FAM98B: variants seen among roughly 807,000 people sequenced by gnomAD.
FAM98B encodes tRNA-splicing ligase complex subunit FAM98B.
FAM98B carries 32 observed loss-of-function variants against 43.9 expected under a neutral mutation model. The observed-to-expected ratio is 0.73, with a 90% CI of 0.55 to 0.98. The LOEUF (loss-of-function observed/expected upper bound fraction) is 0.98, where lower values mean the gene tolerates loss of function less well. FAM98B is among the 50% of genes least tolerant of loss of function. The probability of loss-of-function intolerance (pLI) is 0.00; values close to 1 mark genes in which losing one functional copy is unlikely to be tolerated. For synonymous variants in FAM98B, 190 were observed against 174.0 expected (o/e 1.09, Z -0.72); for missense variants, 514 against 522.9 (o/e 0.98, Z 0.17).
chr15:38,463,018 A>G (rs1443466515), intron 1 of FAM98B, among the ~76,000 whole-genome samples: 3 of 152,346 alleles, frequency 2.0e-5, no homozygotes, highest in East Asian at 1.9e-4. Flanking sequence ...AATAACTGTG[A>G]TGGATTAAAA....
intron 7 of FAM98B, chr15:38,482,035 T>C (rs1595805006): frequency 6.2e-6 from 1 of 161,964 alleles, no homozygotes; most frequent in African/African-American, 2.4e-5. Context: ...TAATTTAGTA[T>C]GTTTATGTCA....
chr15:38,462,561 T>C (rs1468139730), intron 1 of FAM98B, among the ~76,000 whole-genome samples: 1 of 152,190 alleles, frequency 6.6e-6, no homozygotes, highest in African/African-American at 2.4e-5. Context: ...TAAACTGTAA[T>C]TTTATTGTTA....
At chr15:38,474,626 G>A (rs1002151881) in intron 6 of FAM98B, among the ~76,000 whole-genome samples, 10 of 152,200 alleles carry the variant, frequency 6.6e-5, no homozygotes, top group Non-Finnish European at 1.2e-4. Flanking sequence ...TATAAGAATA[G>A]TTGCAGGTAG....
At chr15:38,483,952 G>A (rs185439096) in intron 7 of FAM98B, among the ~76,000 whole-genome samples, 1 of 151,928 alleles carries the variant, frequency 6.6e-6, no homozygotes, top group African/African-American at 2.4e-5. Context: ...TCATCTCTTT[G>A]TGTTGGAAAC....
rs1890350943 is a variant in FAM98B at position 38,485,188 on chromosome 15, C to T, written c.*529C>T. 1 of 152,194 alleles carries T rather than the reference C, an allele frequency of 6.6e-6. No individual in the cohort carries two copies. Among genetic ancestry groups the T allele is most frequent in the Non-Finnish European group, 1.5e-5 (1 of 68,076 alleles). 9.4% of individuals were successfully genotyped at this position (152,194 alleles called of 1,614,324 possible). A position where few individuals can be genotyped will look rare whatever the true frequency, so the allele number is the denominator to read the frequency against. On this transcript the variant is annotated 3_prime_UTR_variant, in exon 8 of 8. Coordinates refer to ENST00000397609, the MANE Select transcript of FAM98B (RefSeq NM_173611.4). ...CAGTTGTTGTGAATCATTTTTTTCT[C>T]TTATAGGAGGAGATTCCTCTCTAGC...
At chr15:38,467,007 C>G (rs1382723953) in intron 3 of FAM98B, among the ~76,000 whole-genome samples, 3 of 152,102 alleles carry the variant, frequency 2.0e-5, no homozygotes. Flanking sequence ...TAAATTGGCT[C>G]TGCTATTGAC....
chr15:38,469,970 T>G (rs1031242372), intron 3 of FAM98B, among the ~76,000 whole-genome samples: 1 of 152,168 alleles, frequency 6.6e-6, no homozygotes, highest in Admixed American at 6.5e-5. Context: ...GTAAATGCAT[T>G]TAATAGGGTG....
intron 1 of FAM98B, among the ~76,000 whole-genome samples, chr15:38,462,066 TAGTATATAACTGTA>T (rs1243774135): frequency 6.6e-6 from 1 of 152,168 alleles, no homozygotes; most frequent in African/African-American, 2.4e-5. Context: ...GACAGTGAGG[TAGTATATAACTGTA>T]AAAATGGTTG....
chr15:38,480,384 C>T (rs55756057), intron 6 of FAM98B, among the ~76,000 whole-genome samples: 1 of 152,106 alleles, frequency 6.6e-6, no homozygotes, highest in South Asian at 2.1e-4. Flanking sequence ...TTATGAGGCT[C>T]TGAGTCTCAA....
At chr15:38,463,446 G>A (rs79131443) in intron 1 of FAM98B, among the ~76,000 whole-genome samples, 24,879 of 150,766 alleles carry the variant, frequency 0.17, 2,271 homozygotes, top group East Asian at 0.43. Context: ...AGCCAAGATT[G>A]TGTCACTATA....
rs1234378951 is a variant in FAM98B at position 38,462,381 on chromosome 15, TTAA to T, written c.72-1649_72-1647del. Among the ~76,000 whole-genome samples the T allele has an allele frequency of 3.3e-5, 5 of 152,306 alleles. No homozygotes were observed. In the South Asian group the frequency reaches 6.2e-4, roughly 19 times the overall value. On this transcript the variant is annotated intron_variant, in intron 1 of 7. Coordinates refer to ENST00000397609, the MANE Select transcript of FAM98B (RefSeq NM_173611.4). ...TTTTAAGTTAGACTTTGAAACTGCA[TTAA>T]TGTTTTACATAATTATAAGACAAAA...
At chr15:38,479,312 G>C (rs1215434018) in intron 6 of FAM98B, among the ~76,000 whole-genome samples, 1 of 152,096 alleles carries the variant, frequency 6.6e-6, no homozygotes, top group African/African-American at 2.4e-5. Flanking sequence ...TTTTTAGTCT[G>C]TTCACTGTGT....
rs984989346 is a variant in FAM98B, at chr15:38,486,670, A to G, written c.*2011A>G. Reference sequence around the variant, plus strand: ...TCGTGTTGGAGCTGAAACCACTCCTATGTACACATTCCTATAAACCTTAAT... The same window carrying G: ...TCGTGTTGGAGCTGAAACCACTCCTGTGTACACATTCCTATAAACCTTAAT... On this transcript the variant is annotated 3_prime_UTR_variant, in exon 8 of 8. Coordinates refer to ENST00000397609, the MANE Select transcript of FAM98B (RefSeq NM_173611.4). 11 of 152,182 alleles carry G rather than the reference A, an allele frequency of 7.2e-5. No homozygotes were observed. The highest frequency in any genetic ancestry group is 1.9e-4 in the African/African-American group (8 of 41,452). 9.4% of individuals were successfully genotyped at this position (152,182 alleles called of 1,614,324 possible).
chr15:38,465,928 A>G (rs148491720), intron 3 of FAM98B, among the ~76,000 whole-genome samples: 204 of 152,228 alleles, frequency 1.3e-3, no homozygotes, highest in African/African-American at 4.6e-3. Context: ...TATAGGTCAT[A>G]CTGTATTCAA....
At chr15:38,479,065 C>G (rs1180319276) in intron 6 of FAM98B, among the ~76,000 whole-genome samples, 3 of 152,038 alleles carry the variant, frequency 2.0e-5, no homozygotes, top group Non-Finnish European at 4.4e-5. Flanking sequence ...AAGTGATCCT[C>G]CCACTGTGGC....
At chr15:38,454,318 G>T in intron 1 of FAM98B, 86 bp downstream of exon 1, 1 of 1,420,528 alleles carries the variant, frequency 7.0e-7, no homozygotes, top group Admixed American at 2.0e-5. Flanking sequence ...GGGCCTCTGT[G>T]GGCCTGGGCG....
chr15:38,477,770 A>G (rs79651515), intron 6 of FAM98B, among the ~76,000 whole-genome samples: 10,542 of 152,242 alleles, frequency 0.069, 526 homozygotes, highest in East Asian at 0.17. Flanking sequence ...TCACTTCTGC[A>G]TGTGTGCCAG....
chr15:38,461,658 C>G (rs1002925300), intron 1 of FAM98B, among the ~76,000 whole-genome samples: 1 of 152,008 alleles, frequency 6.6e-6, no homozygotes, highest in African/African-American at 2.4e-5. Flanking sequence ...AATACTTGTA[C>G]TTACCCTTCA....
At position 38,484,722 on chromosome 15, in the gene FAM98B, A is replaced by G. The variant is rs1890344424; in HGVS notation, c.*63A>G. 2.7e-6 allele frequency: 4 copies of G among 1,480,708 alleles called. No individual in the cohort carries two copies. Among genetic ancestry groups the G allele is most frequent in the South Asian group, 2.8e-5 (2 of 71,076 alleles). The allele number at this position is 1,480,708 out of a possible 1,614,324, so 91.7% of individuals were successfully genotyped here. A position where few individuals can be genotyped will look rare whatever the true frequency, so the allele number is the denominator to read the frequency against. Reference sequence around the variant, plus strand: ...TAGATACATTAGAAATAGTGTTCCAAATAACATACTTGAATATCATCTTTG... The same window carrying G: ...TAGATACATTAGAAATAGTGTTCCAGATAACATACTTGAATATCATCTTTG... On this transcript the variant is annotated 3_prime_UTR_variant, in exon 8 of 8. Coordinates refer to ENST00000397609, the MANE Select transcript of FAM98B (RefSeq NM_173611.4).
Sources: allele counts gnomAD v4.1 joint callset (sites outside exome capture counted in the v4.1 genomes callset), GRCh38; gene constraint gnomAD v4.1.1; transcripts MANE v1.5; gene names NCBI Gene and HGNC (gene_info 2026-07-23, HGNC 2026-07-21).